Variants in TBC1D5 observed in about 807,000 individuals in gnomAD.
TBC1D5 encodes the protein TBC1 domain family, member 5.
A neutral mutation model predicts 100.3 loss-of-function variants in TBC1D5; 75 were observed. That is an observed-to-expected ratio of 0.75 (90% CI 0.62 to 0.91). The LOEUF is 0.91. Ranked by LOEUF, TBC1D5 falls within the 40% of genes least tolerant of loss-of-function variation. TBC1D5 has a pLI of 0.00. For missense variants in TBC1D5, 910 were observed against 942.4 expected (o/e 0.97, Z 0.45); for synonymous variants, 323 against 325.6 (o/e 0.99, Z 0.09).
At chr3:17,435,919 G>A (rs1429930882) in intron 3 of TBC1D5, among the ~76,000 whole-genome samples, 1 of 152,196 alleles carries the variant, frequency 6.6e-6, no homozygotes, top group Admixed American at 6.5e-5. Flanking sequence ...ACTATATGAG[G>A]ACTGCAAGCG....
chr3:17,634,534 A>G (rs1186097691), intron 1 of TBC1D5, among the ~76,000 whole-genome samples: 2 of 151,842 alleles, frequency 1.3e-5, no homozygotes, highest in African/African-American at 4.8e-5. Flanking sequence ...AAAACAATTG[A>G]ACCCATGGAG....
intron 13 of TBC1D5, among the ~76,000 whole-genome samples, chr3:17,331,481 T>C (rs150810989): frequency 1.3e-5 from 2 of 152,196 alleles, no homozygotes; most frequent in African/African-American, 4.8e-5. Context: ...CACTATACAA[T>C]GACGTATTAC....
intron 3 of TBC1D5, among the ~76,000 whole-genome samples, chr3:17,470,405 TAAC>T (rs1329910454): frequency 6.6e-6 from 1 of 152,196 alleles, no homozygotes; most frequent in African/African-American, 2.4e-5. Context: ...ATGCAAAGTA[TAAC>T]AATACAATTA....
At chr3:17,667,395 G>A (rs1044255784) in intron 1 of TBC1D5, among the ~76,000 whole-genome samples, 4 of 152,050 alleles carry the variant, frequency 2.6e-5, no homozygotes, top group Non-Finnish European at 5.9e-5. Flanking sequence ...AAGAACCACT[G>A]ATTTTCAACG....
chr3:17,715,525 C>A lies in TBC1D5; in HGVS notation c.-101+23818G>T, dbSNP rs116933218. ...GATCTATCAAAGTGGGACATGGAGG[C>A]CAGGCATGGTGGCTCACACCTGTCA... On this transcript the variant is annotated intron_variant, in intron 1 of 21. Coordinates refer to ENST00000253692, the Ensembl canonical transcript of TBC1D5. 6.8e-4 allele frequency among the ~76,000 whole-genome samples: 103 copies of A among 152,264 alleles called. 1 individual carries two copies. The East Asian group carries it at 0.019, about 28-fold the overall frequency.
intron 13 of TBC1D5, among the ~76,000 whole-genome samples, chr3:17,364,961 T>A (rs1053061656): frequency 2.0e-5 from 3 of 152,192 alleles, no homozygotes; most frequent in Non-Finnish European, 2.9e-5. Context: ...GAGCATTTTT[T>A]AAAACATTTA....
At chr3:17,540,764 G>A (rs530680518) in intron 2 of TBC1D5, among the ~76,000 whole-genome samples, 12 of 151,634 alleles carry the variant, frequency 7.9e-5, no homozygotes, top group Admixed American at 2.0e-4. Flanking sequence ...AAAATTAGCC[G>A]GGCATGATGG....
intron 1 of TBC1D5, among the ~76,000 whole-genome samples, chr3:17,724,572 TATGATGTCTCTAGAAGC>T (rs959184823): frequency 1.3e-5 from 2 of 152,248 alleles, no homozygotes; most frequent in Admixed American, 1.3e-4. Context: ...TTCATTTTAC[TATGATGTCTCTAGAAGC>T]ATATTTTCTT....
intron 15 of TBC1D5, among the ~76,000 whole-genome samples, chr3:17,269,107 T>C (rs1162795147): frequency 1.3e-5 from 2 of 152,262 alleles, no homozygotes; most frequent in African/African-American, 4.8e-5. Flanking sequence ...AACATTTTAG[T>C]AACTGTTATA....
At chr3:17,556,182 T>A (rs1393016695) in intron 2 of TBC1D5, among the ~76,000 whole-genome samples, 2 of 151,980 alleles carry the variant, frequency 1.3e-5, no homozygotes, top group Admixed American at 6.6e-5. Flanking sequence ...ACCTGGCTAG[T>A]TTTTTTGTAT....
intron 17 of TBC1D5, among the ~76,000 whole-genome samples, chr3:17,219,899 T>C (rs917108824): frequency 2.0e-5 from 3 of 152,124 alleles, no homozygotes; most frequent in Non-Finnish European, 4.4e-5. Context: ...TATGACTTTA[T>C]GGAGGAACAG....
At chr3:17,308,562 A>T (rs547926057) in intron 13 of TBC1D5, among the ~76,000 whole-genome samples, 1 of 152,144 alleles carries the variant, frequency 6.6e-6, no homozygotes, top group South Asian at 2.1e-4. Flanking sequence ...TTGTATGACA[A>T]ATCCAATAGA....
chr3:17,392,444 C>T (rs1186851344), intron 8 of TBC1D5, among the ~76,000 whole-genome samples: 1 of 151,974 alleles, frequency 6.6e-6, no homozygotes, highest in Non-Finnish European at 1.5e-5. Context: ...TATACACATG[C>T]CATGGTGGTT....
chr3:17,361,350 T>C (rs1178398128), intron 13 of TBC1D5, among the ~76,000 whole-genome samples: 4 of 152,044 alleles, frequency 2.6e-5, no homozygotes, highest in Non-Finnish European at 5.9e-5. Context: ...TTTATAATTA[T>C]AGCTGGAGAC....
At chr3:17,235,613 T>C (rs1206298086) in intron 17 of TBC1D5, among the ~76,000 whole-genome samples, 1 of 152,214 alleles carries the variant, frequency 6.6e-6, no homozygotes, top group Non-Finnish European at 1.5e-5. Flanking sequence ...TTTTTCACTG[T>C]AGAGTTAATA....
intron 2 of TBC1D5, among the ~76,000 whole-genome samples, chr3:17,598,722 G>A (rs1445639652): frequency 6.6e-6 from 1 of 152,106 alleles, no homozygotes; most frequent in Non-Finnish European, 1.5e-5. Context: ...GAAAATAAGA[G>A]GGCAACACTA....
intron 2 of TBC1D5, among the ~76,000 whole-genome samples, chr3:17,552,846 A>G (rs2096485415): frequency 6.6e-6 from 1 of 152,130 alleles, no homozygotes; most frequent in African/African-American, 2.4e-5. Context: ...AAAAACAGGT[A>G]ATACAGAGGC....
At chr3:17,157,925 C>CATT (rs79923563) in exon 22 of TBC1D5, 1 of 152,138 alleles carries the variant, frequency 6.6e-6, no homozygotes, top group African/African-American at 2.4e-5. Flanking sequence ...AACTGGTCAT[C>CATT]TGCAGGCAAG....
At position 17,173,704 on chromosome 3, in the gene TBC1D5, G is replaced by A. The variant is rs574492245; in HGVS notation, c.1853-5876C>T. On this transcript the variant is annotated intron_variant, in intron 19 of 21. Coordinates refer to ENST00000253692, the Ensembl canonical transcript of TBC1D5. ...CAGATATCTGGATTCTGTTTTTTGA[G>A]GCTTTCTCATCTCTGATAGGAATTT... 3.7e-4 allele frequency among the ~76,000 whole-genome samples: 57 copies of A among 152,098 alleles called. No individual in the cohort carries two copies. In the South Asian group the frequency reaches 0.012, roughly 31 times the overall value.
Sources: allele counts gnomAD v4.1 joint callset (sites outside exome capture counted in the v4.1 genomes callset), GRCh38; gene constraint gnomAD v4.1.1; transcripts MANE v1.5; gene names NCBI Gene and HGNC (gene_info 2026-07-23, HGNC 2026-07-21).